The following CCDC171 variants were observed in gnomAD, a reference collection of about 807,000 sequenced individuals.
CCDC171 encodes the protein coiled-coil domain-containing protein 171.
In CCDC171, 177 loss-of-function variants were observed where a neutral mutation model predicts 168.2. That is an observed-to-expected ratio of 1.05 (90% CI 0.93 to 1.19). CCDC171 has a LOEUF of 1.19. Among genes scored for constraint, CCDC171 ranks in the 50% most tolerant of loss-of-function variants. CCDC171 has a pLI of 0.00. For missense variants in CCDC171, 1,991 were observed against 1,539.0 expected (o/e 1.29, Z -4.91); for synonymous variants, 687 against 540.8 (o/e 1.27, Z -3.75).
rs112016948 is a variant in CCDC171, at chr9:15,752,007, C to T, written c.2671+6376C>T. On this transcript the variant is annotated intron_variant, in intron 18 of 25. Coordinates refer to ENST00000380701, the MANE Select transcript of CCDC171 (RefSeq NM_173550.4). ...ATGGGAGAAAATTTTTGCAATTTAT[C>T]CATCTGACAAAGGGCTAATATCCAG... 2.0e-5 allele frequency among the ~76,000 whole-genome samples: 3 copies of T among 152,078 alleles called. No individual in the cohort carries two copies. The East Asian group carries it at 5.8e-4, about 29-fold the overall frequency.
At chr9:15,561,225 T>C (rs2039278752) in intron 1 of CCDC171, among the ~76,000 whole-genome samples, 2 of 152,090 alleles carry the variant, frequency 1.3e-5, no homozygotes, top group Admixed American at 6.5e-5. Context: ...TGAGACAATA[T>C]GTAGAAAGTT....
chr9:16,036,970 T>G (rs949233364), intron 8 of CCDC171, among the ~76,000 whole-genome samples: 44 of 152,276 alleles, frequency 2.9e-4, no homozygotes, highest in Admixed American at 4.6e-4. Flanking sequence ...CTGAAAAAGT[T>G]GTGCTCATAG....
intron 25 of CCDC171, among the ~76,000 whole-genome samples, chr9:15,946,587 C>T (rs532245540): frequency 6.6e-6 from 1 of 152,068 alleles, no homozygotes; most frequent in East Asian, 2.0e-4. Context: ...TGAAAATGGC[C>T]ATACTGCCCA....
intron 21 of CCDC171, among the ~76,000 whole-genome samples, chr9:15,832,955 T>C (rs556645933): frequency 6.6e-6 from 1 of 151,146 alleles, no homozygotes. Context: ...TAGTAGGTGA[T>C]AGGAAATTTT....
chr9:15,745,660 A>G (rs375147126), intron 18 of CCDC171, 29 bp downstream of exon 18: 1 of 1,299,738 alleles, frequency 7.7e-7, no homozygotes, highest in Non-Finnish European at 1.1e-6. Context: ...TGTCCTTGCA[A>G]AATACATTTA....
At chr9:15,699,904 T>C (rs548744705) in intron 11 of CCDC171, among the ~76,000 whole-genome samples, 1 of 152,266 alleles carries the variant, frequency 6.6e-6, no homozygotes, top group South Asian at 2.1e-4. Flanking sequence ...GAGTGCCGAT[T>C]GGTGTATTTA....
intron 14 of CCDC171, among the ~76,000 whole-genome samples, chr9:15,727,555 G>A (rs1000228716): frequency 2.6e-5 from 4 of 152,152 alleles, no homozygotes; most frequent in African/African-American, 9.7e-5. Flanking sequence ...TCGTGTGATA[G>A]CTAAGGAAAC....
rs570543786 is a variant in CCDC171 at position 15,885,999 on chromosome 9, A to G, written c.3600+11336A>G. ...AAAAGTTATTCCAACAGAGATCCTA[A>G]TTCTTTTCCCTCTTATTTAAACTTG... On this transcript the variant is annotated intron_variant, in intron 24 of 25. Transcript: ENST00000380701. The G allele has an allele frequency of 2.0e-4, 31 of 152,296 alleles. 1 individual carries two copies. Among genetic ancestry groups the G allele is most frequent in the Non-Finnish European group, 3.7e-4 (25 of 67,992 alleles). The allele number at this position is 152,296 out of a possible 1,614,324, so 9.4% of individuals were successfully genotyped here.
At chr9:15,991,375 A>T (rs1380954326) in intron 3 of CCDC171, among the ~76,000 whole-genome samples, 1 of 150,696 alleles carries the variant, frequency 6.6e-6, no homozygotes, top group Non-Finnish European at 1.5e-5. Context: ...TGTTCTTTGA[A>T]ACCGATGAGA....
chr9:15,571,078 A>G (rs1358584571), intron 2 of CCDC171, among the ~76,000 whole-genome samples: 1 of 152,194 alleles, frequency 6.6e-6, no homozygotes, highest in Non-Finnish European at 1.5e-5. Flanking sequence ...TTTGGGGGTT[A>G]TCAGTTACCA....
intron 3 of CCDC171, among the ~76,000 whole-genome samples, chr9:16,015,989 A>G (rs369395055): frequency 8.7e-4 from 133 of 152,350 alleles, no homozygotes; most frequent in African/African-American, 3.0e-3. Flanking sequence ...TTGTACGTAC[A>G]TAACACATTT....
intron 25 of CCDC171, among the ~76,000 whole-genome samples, chr9:15,928,117 C>A (rs1317785721): frequency 6.6e-6 from 1 of 151,654 alleles, no homozygotes; most frequent in East Asian, 1.9e-4. Context: ...CTGTCAGGTG[C>A]TTTCCGATGA....
intron 9 of CCDC171, among the ~76,000 whole-genome samples, chr9:15,673,337 CT>C (rs1298535298): frequency 6.6e-6 from 1 of 152,146 alleles, no homozygotes; most frequent in Non-Finnish European, 1.5e-5. Context: ...ATTGAATACG[CT>C]TTATTTCTTT....
chr9:16,084,888 C>T, the CCDC171 span, among the ~76,000 whole-genome samples: 4 of 152,132 alleles, frequency 2.6e-5, no homozygotes, highest in African/African-American at 9.7e-5. Flanking sequence ...TCCAGGGTTC[C>T]AATCCAAACT....
intron 18 of CCDC171, among the ~76,000 whole-genome samples, chr9:15,772,211 T>C (rs1324213909): frequency 6.6e-6 from 1 of 152,152 alleles, no homozygotes; most frequent in Non-Finnish European, 1.5e-5. Context: ...TAAATTATTG[T>C]TTAAGTTCGT....
intron 23 of CCDC171, among the ~76,000 whole-genome samples, chr9:15,855,392 GCTAT>G (rs751518521): frequency 1.8e-4 from 28 of 151,710 alleles, no homozygotes; most frequent in Non-Finnish European, 3.5e-4. Context: ...GTTTGCGTGG[GCTAT>G]CTTTTTCTGT....
chr9:15,644,598 C>A (rs1471046606), intron 7 of CCDC171, among the ~76,000 whole-genome samples: 2 of 152,204 alleles, frequency 1.3e-5, no homozygotes, highest in Non-Finnish European at 2.9e-5. Context: ...AGATTATATC[C>A]CGCACCTGGC....
Position 15,652,449 on chromosome 9 carries a change from C to CT in CCDC171, c.823-4664dup, listed in dbSNP as rs796300179. 1.9e-3 allele frequency among the ~76,000 whole-genome samples: 264 copies of CT among 142,320 alleles called. 1 individual carries two copies. Among genetic ancestry groups the CT allele is most frequent in the East Asian group, 0.016 (80 of 4,960 alleles). The allele number at this position is 142,320 out of a possible 152,430, so 93.4% of individuals were successfully genotyped here. A position where few individuals can be genotyped will look rare whatever the true frequency, so the allele number is the denominator to read the frequency against. ...TACCACATTGTTTTGATTATTGTAG[C>CT]TTTTTTTTTTTTTTGAGACAGAGTC... On this transcript the variant is annotated intron_variant, in intron 7 of 25. Coordinates refer to ENST00000380701, the MANE Select transcript of CCDC171 (RefSeq NM_173550.4).
chr9:15,581,724 C>T (rs2041134922), intron 4 of CCDC171, among the ~76,000 whole-genome samples: 1 of 151,986 alleles, frequency 6.6e-6, no homozygotes, highest in Non-Finnish European at 1.5e-5. Flanking sequence ...AACTGGCTAG[C>T]CATATGCAGA....
Sources: allele counts gnomAD v4.1 joint callset (sites outside exome capture counted in the v4.1 genomes callset), GRCh38; gene constraint gnomAD v4.1.1; transcripts MANE v1.5; gene names NCBI Gene and HGNC (gene_info 2026-07-23, HGNC 2026-07-21).